CDKL3: variants seen among roughly 807,000 people sequenced by gnomAD.
CDKL3 encodes the protein cyclin-dependent kinase-like 3.
Under a neutral mutation model 69.3 loss-of-function variants are expected in CDKL3, and 65 were observed. The observed-to-expected ratio is 0.94, with a 90% CI of 0.77 to 1.15. The LOEUF (loss-of-function observed/expected upper bound fraction) is 1.15. Ranked by LOEUF, CDKL3 falls within the 50% of genes most tolerant of loss-of-function variation. CDKL3 has a pLI of 0.00. For synonymous variants in CDKL3, 202 were observed against 221.6 expected, an observed-to-expected ratio of 0.91 and a Z score of 0.79; for missense variants, 652 against 689.2, an observed-to-expected ratio of 0.95 and a Z score of 0.61.
At chr5:134,345,891 A>C (rs1454004311) in intron 4 of CDKL3, among the ~76,000 whole-genome samples, 1 of 152,212 alleles carries the variant, frequency 6.6e-6, no homozygotes, top group African/African-American at 2.4e-5. Context: ...TTCAGTAATA[A>C]TAACAATTGT....
chr5:134,301,866 A>G (rs139933475), intron 12 of CDKL3, among the ~76,000 whole-genome samples: 2,218 of 151,994 alleles, frequency 0.015, 41 homozygotes, highest in African/African-American at 0.049. Flanking sequence ...CAGCCTGGGC[A>G]ACAGAGAGAC....
At chr5:134,332,116 T>C (rs1048561023) in intron 4 of CDKL3, among the ~76,000 whole-genome samples, 7 of 152,246 alleles carry the variant, frequency 4.6e-5, no homozygotes, top group Non-Finnish European at 8.8e-5. Context: ...TGTCTGTTCA[T>C]ATCCTTTGCC....
rs543502360 is a variant in CDKL3 at position 134,301,498 on chromosome 5, T to C, written c.1719+1092A>G. ...GCCTTCTTACAGAGTTTCAGATTTT[T>C]TAAAATATTTTTAATTTCTTCAAAT... is the stretch of plus-strand genomic sequence containing the variant. On this transcript the variant is annotated intron_variant, in intron 12 of 12. Coordinates refer to ENST00000265334, the MANE Select transcript of CDKL3 (RefSeq NM_001113575.2). 3.6e-4 allele frequency among the ~76,000 whole-genome samples: 55 copies of C among 152,306 alleles called. 1 individual carries two copies. Among genetic ancestry groups the C allele is most frequent in the African/African-American group, 1.3e-3 (55 of 41,574 alleles).
At chr5:134,311,634 G>C (rs958112302) in intron 7 of CDKL3, among the ~76,000 whole-genome samples, 3 of 152,130 alleles carry the variant, frequency 2.0e-5, no homozygotes, top group African/African-American at 7.2e-5. Context: ...CTGAGTCAGA[G>C]GTCCAAACAG....
intron 6 of CDKL3, chr5:134,318,881 T>C (rs1771931397): frequency 6.6e-6 from 1 of 152,236 alleles, no homozygotes; most frequent in Non-Finnish European, 1.5e-5. Flanking sequence ...TGACAGTCTA[T>C]GAATTTTAAT....
At chr5:134,292,973 C>T (rs937135717) in intron 8 of CDKL3, among the ~76,000 whole-genome samples, 5 of 147,888 alleles carry the variant, frequency 3.4e-5, no homozygotes, top group African/African-American at 1.2e-4. Flanking sequence ...AGTGAAAACT[C>T]CAGGCCCTGT....
intron 7 of CDKL3, among the ~76,000 whole-genome samples, chr5:134,311,670 CTTAT>C (rs1213797108): frequency 1.3e-5 from 2 of 152,146 alleles, no homozygotes; most frequent in Non-Finnish European, 1.5e-5. Context: ...GTATTGATTG[CTTAT>C]TTAATGTTAT....
At chr5:134,330,081 G>A (rs1329894644) in intron 4 of CDKL3, among the ~76,000 whole-genome samples, 3 of 151,962 alleles carry the variant, frequency 2.0e-5, no homozygotes, top group Admixed American at 6.6e-5. Flanking sequence ...TATTCTCAGT[G>A]TAAGATCCAT....
chr5:134,296,380 C>T (rs896351951), downstream of CDKL3, among the ~76,000 whole-genome samples: 10 of 152,152 alleles, frequency 6.6e-5, no homozygotes, highest in Non-Finnish European at 1.0e-4. Context: ...ATGCCTTACA[C>T]GGCCTGTACA....
At chr5:134,321,004 TC>T (rs1229863869) in intron 5 of CDKL3, among the ~76,000 whole-genome samples, 2 of 147,630 alleles carry the variant, frequency 1.4e-5, no homozygotes, top group East Asian at 2.0e-4. Context: ...TCAAACATAT[TC>T]TTTTTTTTTT....
chr5:134,302,839 T>G (rs981146464), intron 11 of CDKL3, among the ~76,000 whole-genome samples, 152 bp from the exon 12 acceptor site: 3 of 152,134 alleles, frequency 2.0e-5, no homozygotes, highest in Non-Finnish European at 4.4e-5. Flanking sequence ...AATGGTAAAA[T>G]ATGGTAAATT....
At chr5:134,364,813 T>C (rs1053278616) in intron 2 of CDKL3, among the ~76,000 whole-genome samples, 4 of 144,446 alleles carry the variant, frequency 2.8e-5, no homozygotes, top group Non-Finnish European at 6.0e-5. Context: ...GCGCCCTTTT[T>C]TTTTTTCTTT....
chr5:134,340,409 A>C (rs1750184106), intron 4 of CDKL3, among the ~76,000 whole-genome samples: 1 of 152,206 alleles, frequency 6.6e-6, no homozygotes, highest in African/African-American at 2.4e-5. Context: ...GAAAACAGAG[A>C]AAATCAATGA....
chr5:134,314,715 T>C (rs947592362), intron 6 of CDKL3, among the ~76,000 whole-genome samples: 2 of 152,222 alleles, frequency 1.3e-5, no homozygotes, highest in African/African-American at 4.8e-5. Context: ...GAGTGCCTAC[T>C]GTATGCTTCT....
At chr5:134,347,380 A>C (rs896518558) in intron 4 of CDKL3, among the ~76,000 whole-genome samples, 1 of 152,194 alleles carries the variant, frequency 6.6e-6, no homozygotes, top group Admixed American at 6.5e-5. Flanking sequence ...TGTATGACCC[A>C]CAATTCTAAC....
At chr5:134,329,409 T>C (rs1775189957) in intron 4 of CDKL3, among the ~76,000 whole-genome samples, 1 of 152,052 alleles carries the variant, frequency 6.6e-6, no homozygotes, top group South Asian at 2.1e-4. Context: ...TAAAAGGCAA[T>C]ATAAATGCAG....
upstream of CDKL3, among the ~76,000 whole-genome samples, chr5:134,368,775 T>C (rs1758005175): frequency 1.3e-5 from 2 of 152,094 alleles, no homozygotes; most frequent in Non-Finnish European, 2.9e-5. Context: ...CTGCGCACAG[T>C]GGCTCACACC....
chr5:134,347,565 G>A (rs1752219286), intron 4 of CDKL3, among the ~76,000 whole-genome samples: 1 of 151,914 alleles, frequency 6.6e-6, no homozygotes, highest in Non-Finnish European at 1.5e-5. Flanking sequence ...ATATTATTCA[G>A]CCATAAAAAG....
intron 4 of CDKL3, among the ~76,000 whole-genome samples, chr5:134,328,386 A>G (rs1774927767): frequency 6.6e-6 from 1 of 152,222 alleles, no homozygotes; most frequent in Non-Finnish European, 1.5e-5. Context: ...GAAAAGTACA[A>G]TAACTGAAAT....
Sources: allele counts gnomAD v4.1 joint callset (sites outside exome capture counted in the v4.1 genomes callset), GRCh38; gene constraint gnomAD v4.1.1; transcripts MANE v1.5; gene names NCBI Gene and HGNC (gene_info 2026-07-23, HGNC 2026-07-21).